The following ITPR2 variants were observed in gnomAD, a reference collection of about 807,000 sequenced individuals.
ITPR2 encodes inositol 1,4,5-trisphosphate-gated calcium channel ITPR2.
A neutral mutation model predicts 317.1 loss-of-function variants in ITPR2; 207 were observed. That is an observed-to-expected ratio of 0.65 (90% confidence interval 0.58 to 0.73). The LOEUF (loss-of-function observed/expected upper bound fraction) is 0.73, where lower values mean the gene tolerates loss of function less well. Ranked by LOEUF, ITPR2 falls within the 30% of genes least tolerant of loss-of-function variation. ITPR2 has a pLI of 0.00. For missense variants in ITPR2, 2,613 were observed against 3,284.0 expected, an observed-to-expected ratio of 0.80 and a Z score of 4.99; for synonymous variants, 1,156 against 1,149.1, an observed-to-expected ratio of 1.01 and a Z score of -0.12.
At chr12:26,755,126 A>T (rs934262540) in intron 2 of ITPR2, among the ~76,000 whole-genome samples, 5 of 152,318 alleles carry the variant, frequency 3.3e-5, no homozygotes, top group Admixed American at 2.6e-4. Flanking sequence ...GACTTAGTGT[A>T]TGTTTTTAAT....
intron 2 of ITPR2, among the ~76,000 whole-genome samples, chr12:26,769,428 G>A (rs561635077): frequency 8.5e-5 from 13 of 152,118 alleles, no homozygotes; most frequent in South Asian, 6.2e-4. Flanking sequence ...CAACACCTGG[G>A]AAGGAAAGGC....
intron 2 of ITPR2, among the ~76,000 whole-genome samples, chr12:26,767,484 G>A (rs1949743030): frequency 6.6e-6 from 1 of 152,096 alleles, no homozygotes; most frequent in Admixed American, 6.5e-5. Flanking sequence ...TAAAATTGAT[G>A]TGTCACCACT....
At chr12:26,727,989 A>G (rs1282945426) in intron 2 of ITPR2, among the ~76,000 whole-genome samples, 1 of 152,164 alleles carries the variant, frequency 6.6e-6, no homozygotes, top group Non-Finnish European at 1.5e-5. Context: ...GGGACCCCTA[A>G]CCATTCAGGA....
At chr12:26,599,417 T>C in intron 29 of ITPR2, 72 bp from the exon 30 acceptor site, 1 of 1,306,438 alleles carries the variant, frequency 7.7e-7, no homozygotes, top group Non-Finnish European at 1.1e-6. Flanking sequence ...TTAGACTAAT[T>C]GCCCTGCTTG....
chr12:26,429,834 T>A (rs1941158179), intron 48 of ITPR2, among the ~76,000 whole-genome samples: 1 of 152,260 alleles, frequency 6.6e-6, no homozygotes, highest in African/African-American at 2.4e-5. Flanking sequence ...CATTTACAGC[T>A]GTCAGCCAGT....
At chr12:26,502,664 G>T (rs1943096570) in intron 37 of ITPR2, among the ~76,000 whole-genome samples, 1 of 152,148 alleles carries the variant, frequency 6.6e-6, no homozygotes, top group Non-Finnish European at 1.5e-5. Context: ...CTGAGTGGGG[G>T]GTAAGGCAAA....
At position 26,657,890 on chromosome 12, in the gene ITPR2, A is replaced by G. The variant is rs1565671378; in HGVS notation, c.2009T>C (p.Val670Ala). 2 of 1,612,942 alleles carry G rather than the reference A, an allele frequency of 1.2e-6. No homozygotes were observed. Reference protein sequence around the residue: ...GNADILIQTKVVSMQADNPME... With the variant: ...GNADILIQTKAVSMQADNPME... Reference sequence around the variant, plus strand: ...GGGGTTGTCTGCTTGCATTGAGACCACCCTTCAAATAAATAGCACATACAA... The same window carrying G: ...GGGGTTGTCTGCTTGCATTGAGACCGCCCTTCAAATAAATAGCACATACAA... Residue 670 changes from valine (V) to alanine (A), a missense_variant and splice_region_variant, in exon 18 of 57, where the codon GTG (valine) becomes GCG (alanine). Val to Ala is a moderately conservative substitution (Grantham distance 64). This residue lies in a region of ITPR2 where 817 missense variants were observed against 897.6 expected (regional missense o/e 0.91). Coordinates refer to ENST00000381340, the MANE Select transcript of ITPR2 (RefSeq NM_002223.4).
chr12:26,585,043 TAAAC>T (rs1233979254), intron 32 of ITPR2, among the ~76,000 whole-genome samples: 1 of 152,194 alleles, frequency 6.6e-6, no homozygotes, highest in Non-Finnish European at 1.5e-5. Flanking sequence ...ATTCTTTTTT[TAAAC>T]AGACAACATT....
At chr12:26,469,742 G>A (rs1420468446) in intron 45 of ITPR2, among the ~76,000 whole-genome samples, 1 of 151,928 alleles carries the variant, frequency 6.6e-6, no homozygotes, top group Admixed American at 6.6e-5. Flanking sequence ...ATGCATCTGT[G>A]AAACTCAATG....
At chr12:26,339,788 C>T (rs1395082771) in intron 56 of ITPR2, among the ~76,000 whole-genome samples, 3 of 152,120 alleles carry the variant, frequency 2.0e-5, no homozygotes, top group Non-Finnish European at 2.9e-5. Flanking sequence ...TTTTTACTAA[C>T]AATTTTATAT....
At chr12:26,567,954 ATATATATATATATAT>A (rs1309271411) in intron 34 of ITPR2, among the ~76,000 whole-genome samples, 620 of 9,286 alleles carry the variant, frequency 0.067, 38 homozygotes, top group African/African-American at 0.13. Flanking sequence ...TATATATTAT[ATATATATATATATAT>A]TATATATATT....
intron 26 of ITPR2, among the ~76,000 whole-genome samples, chr12:26,606,125 A>G (rs188222124): frequency 1.6e-4 from 24 of 152,244 alleles, no homozygotes; most frequent in Admixed American, 4.6e-4. Context: ...CTAATGACAA[A>G]ATATTAGAAA....
chr12:26,678,426 G>GAA (rs1284858544), intron 13 of ITPR2, among the ~76,000 whole-genome samples: 7 of 150,842 alleles, frequency 4.6e-5, no homozygotes, highest in Admixed American at 4.6e-4. Flanking sequence ...GAGAGAGAGA[G>GAA]AGAAAAAAAA....
rs146306396 is a variant in ITPR2 at position 26,574,752 on chromosome 12, G to A, written c.4630+3961C>T. ...GTGAGGCCTCAGGAAGCTTCCACTC[G>A]TGGTGGAAGGCACAGGGAGAGCAGA... On this transcript the variant is annotated intron_variant, in intron 34 of 56. Transcript: ENST00000381340. 6.1e-3 allele frequency among the ~76,000 whole-genome samples: 928 copies of A among 152,206 alleles called. 4 individuals are homozygous for A. The highest frequency in any genetic ancestry group is 0.021 in the African/African-American group (879 of 41,538).
At chr12:26,785,494 C>T (rs1313358366) in intron 2 of ITPR2, among the ~76,000 whole-genome samples, 2 of 69,468 alleles carry the variant, frequency 2.9e-5, no homozygotes. Context: ...TCTGCCCGGC[C>T]GCCCCTACTG....
intron 21 of ITPR2, among the ~76,000 whole-genome samples, chr12:26,644,783 C>T (rs1947073457): frequency 1.3e-5 from 2 of 152,270 alleles, no homozygotes; most frequent in East Asian, 1.9e-4. Flanking sequence ...GGTGAGGACA[C>T]AGCCAAACCA....
At chr12:26,734,839 T>C (rs1324840684) in intron 2 of ITPR2, among the ~76,000 whole-genome samples, 2 of 152,142 alleles carry the variant, frequency 1.3e-5, no homozygotes, top group African/African-American at 4.8e-5. Context: ...TCATGGAGTC[T>C]TATTCATCAT....
intron 45 of ITPR2, 85 bp downstream of exon 45, chr12:26,475,211 C>G: frequency 2.7e-6 from 4 of 1,491,148 alleles, no homozygotes; most frequent in Non-Finnish European, 3.7e-6. Flanking sequence ...ATGAAGGGAC[C>G]AGAACTTGAA....
intron 48 of ITPR2, among the ~76,000 whole-genome samples, chr12:26,430,825 A>T (rs1425194027): frequency 6.6e-6 from 1 of 152,168 alleles, no homozygotes; most frequent in Non-Finnish European, 1.5e-5. Flanking sequence ...TATCTACCTC[A>T]TGCAGACTCT....
Sources: allele counts gnomAD v4.1 joint callset (sites outside exome capture counted in the v4.1 genomes callset), GRCh38; gene constraint gnomAD v4.1.1; regional missense constraint gnomAD v4.1.1; transcripts MANE v1.5; gene names NCBI Gene and HGNC (gene_info 2026-07-23, HGNC 2026-07-21).